The following RYR1 variants were observed in gnomAD, a reference collection of about 807,000 sequenced individuals.
RYR1 encodes ryanodine receptor 1.
Under a neutral mutation model 583.5 loss-of-function variants are expected in RYR1, and 342 were observed. The ratio of observed to expected loss-of-function variants is 0.59; its 90% CI spans 0.54 to 0.64. The LOEUF is 0.64. RYR1 is among the 30% of genes least tolerant of loss of function. RYR1 has a pLI of 0.00. For synonymous variants in RYR1, 2,791 were observed against 2,822.5 expected (o/e 0.99, Z 0.35); for missense variants, 6,032 against 6,917.2 (o/e 0.87, Z 4.54).
In RYR1 at chr19:38,580,459, C is replaced by T. The variant is rs370469515; in HGVS notation, c.14601C>T (p.Ser4867=). 65 of 1,613,992 alleles carry T rather than the reference C, an allele frequency of 4.0e-5. No individual in the cohort carries two copies. Among genetic ancestry groups the T allele is most frequent in the Non-Finnish European group, 5.2e-5 (61 of 1,180,024 alleles). ...FNFFRKFYNK[S]EDEDEPDMKC... is the part of the protein sequence containing the mutation. ...TCTTCCGCAAGTTCTACAACAAGAG[C>T]GAGGATGAGGATGAACCTGACATGA... is the stretch of plus-strand genomic sequence containing the variant. Residue 4867 remains serine, a synonymous_variant, in exon 101 of 106, where the codon AGC becomes AGT. Coordinates refer to ENST00000359596, the MANE Select transcript of RYR1 (RefSeq NM_000540.3).
intron 34 of RYR1, 122 bp from the exon 35 acceptor site, chr19:38,489,055 T>C (rs1969429603): frequency 3.4e-6 from 3 of 881,870 alleles, no homozygotes; most frequent in Non-Finnish European, 5.6e-6. Flanking sequence ...GTGGGAGGAA[T>C]CGGATCAGCC....
intron 89 of RYR1, among the ~76,000 whole-genome samples, chr19:38,552,531 G>A (rs779781610): frequency 7.2e-5 from 11 of 152,124 alleles, no homozygotes; most frequent in Non-Finnish European, 1.0e-4. Context: ...GATTACAGGC[G>A]TGAGCCACCG....
chr19:38,502,372 T>A lies in RYR1; in HGVS notation c.7615-135T>A, dbSNP rs1600830509. 9.2e-6 allele frequency: 7 copies of A among 762,892 alleles called. No homozygotes were observed. In the South Asian group the frequency reaches 9.3e-5, roughly 10 times the overall value. The allele number at this position is 762,892 out of a possible 1,614,324, so 47.3% of individuals were successfully genotyped here. A position where few individuals can be genotyped will look rare whatever the true frequency, so the allele number is the denominator to read the frequency against. ...GTGTGGGCATAGGGTGGGAGGAGGG[T>A]GGTAGAGATTGGGAGGAGCAGGTTT... On this transcript the variant is annotated intron_variant, in intron 47 of 105. Transcript: ENST00000359596.
At position 38,525,417 on chromosome 19, in the gene RYR1, TGAA is replaced by T. The variant is rs756212662; in HGVS notation, c.10547_10549del (p.Lys3516del). On this transcript the variant is annotated inframe_deletion, in exon 71 of 106. Transcript: ENST00000359596. Reference sequence around the variant, plus strand: ...CAGACGTCACTGATCGTGGCCACACTGAAGAAGATGCTGCCCATCGGCCTGAAT... The same window carrying T: ...CAGACGTCACTGATCGTGGCCACACTGAAGATGCTGCCCATCGGCCTGAAT... 1.2e-6 allele frequency: 2 copies of T among 1,613,716 alleles called. No homozygotes were observed. Among genetic ancestry groups the T allele is most frequent in the Non-Finnish European group, 1.7e-6 (2 of 1,179,930 alleles).
intron 31 of RYR1, among the ~76,000 whole-genome samples, chr19:38,479,088 G>C (rs1968888842): frequency 6.6e-6 from 1 of 152,158 alleles, no homozygotes; most frequent in Admixed American, 6.5e-5. Flanking sequence ...CTTGACCTTG[G>C]AAAGAGGTTT....
chr19:38,578,335 C>A, intron 99 of RYR1, 131 bp downstream of exon 99: 1 of 824,210 alleles, frequency 1.2e-6, no homozygotes, highest in Non-Finnish European at 2.0e-6. Flanking sequence ...AGGGTATCTT[C>A]TTATCCACAC....
intron 73 of RYR1, chr19:38,528,001 C>A: frequency 4.8e-6 from 3 of 622,586 alleles, no homozygotes; most frequent in Non-Finnish European, 8.4e-6. Flanking sequence ...AGGGGCAGAT[C>A]TTTAGGTCTA....
intron 50 of RYR1, 77 bp from the exon 51 acceptor site, chr19:38,504,671 A>C (rs370910472): frequency 5.1e-6 from 8 of 1,573,158 alleles, no homozygotes; most frequent in East Asian, 2.2e-5. Context: ...TGATGATTGC[A>C]GTGTGTGAGT....
intron 57 of RYR1, among the ~76,000 whole-genome samples, chr19:38,507,356 G>A (rs1467968288): frequency 7.7e-6 from 1 of 129,288 alleles, no homozygotes; most frequent in Admixed American, 7.7e-5. Flanking sequence ...AGGGGCGGGG[G>A]CTGGGGAGCA....
At position 38,548,279 on chromosome 19, in the gene RYR1, C is replaced by A; in HGVS notation, c.12141C>A (p.Leu4047=). The A allele has an allele frequency of 1.9e-6, 3 of 1,614,176 alleles. No homozygotes were observed. Among genetic ancestry groups the A allele is most frequent in the Non-Finnish European group, 2.5e-6 (3 of 1,180,036 alleles). The change falls in exon 89 of 106, where the codon CTC becomes CTA. Residue 4047 remains leucine (L), a synonymous_variant. Transcript: ENST00000359596. Reference sequence around the variant, plus strand: ...TCGCCCGGCAGATGGTGGACATGCTCGTGGAATCCTCATCCAATGTGGAGA... The same window carrying A: ...TCGCCCGGCAGATGGTGGACATGCTAGTGGAATCCTCATCCAATGTGGAGA... ...GMIARQMVDM[L]VESSSNVEMI...
At chr19:38,575,780 G>A (rs1973929828) in intron 96 of RYR1, 139 bp from the exon 97 acceptor site, 1 of 887,786 alleles carries the variant, frequency 1.1e-6, no homozygotes, top group Admixed American at 2.0e-5. Context: ...TCCAGCCTGG[G>A]CAACAGAGTG....
At position 38,543,472 on chromosome 19, in the gene RYR1, G is replaced by A. The variant is rs772555546; in HGVS notation, c.11778+37G>A. On this transcript the variant is annotated intron_variant, in intron 85 of 105. Transcript: ENST00000359596. This position sits in a 1 kb window ranked among gnomAD's most constrained non-coding sequence, Gnocchi z 4.4. ...AGACGGTTCAGGTGTGACTTGGGTCGGGGGCTGCAGGGCCATGGTCGGCCC... is the reference window on the plus strand; with the variant it reads ...AGACGGTTCAGGTGTGACTTGGGTCAGGGGCTGCAGGGCCATGGTCGGCCC... 2.0e-5 allele frequency: 33 copies of A among 1,614,144 alleles called. No homozygotes were observed. The Middle Eastern group carries it at 6.6e-4, about 32-fold the overall frequency.
At chr19:38,550,145 G>C (rs1022346477) in intron 89 of RYR1, among the ~76,000 whole-genome samples, 1 of 152,032 alleles carries the variant, frequency 6.6e-6, no homozygotes, top group African/African-American at 2.4e-5. Flanking sequence ...ATGCTAATCA[G>C]GAAATTAACA....
intron 59 of RYR1, 33 bp from the exon 60 acceptor site, chr19:38,510,627 T>C (rs757521762): frequency 3.1e-6 from 5 of 1,612,726 alleles, no homozygotes; most frequent in Admixed American, 3.3e-5. Flanking sequence ...CCACCCCTCA[T>C]TGGACCCTTT....
intron 3 of RYR1, 53 bp downstream of exon 3, chr19:38,442,506 CA>C: frequency 7.1e-7 from 1 of 1,405,226 alleles, no homozygotes; most frequent in Non-Finnish European, 1.0e-6. Flanking sequence ...CGAGAGGACC[CA>C]GGGGTCGTTT....
Position 38,486,024 on chromosome 19 carries a change from G to A in RYR1, c.5369G>A (p.Gly1790Glu), listed in dbSNP as rs943210052. The A allele has an allele frequency of 1.2e-6, 2 of 1,613,270 alleles. No individual in the cohort carries two copies. The highest frequency in any genetic ancestry group is 4.5e-5 in the East Asian group (2 of 44,876). The change falls in exon 34 of 106, where the codon GGG (glycine) becomes GAG (glutamate). Residue 1790 changes from glycine (G) to glutamate (E), a missense_variant. By Grantham distance (98) the Gly-to-Glu change is moderately conservative. This residue lies in a region of RYR1 where 2,627 missense variants were observed against 2,961.3 expected (regional missense o/e 0.89). Transcript: ENST00000359596. ...TTCGTGGCCGCTCTGCCAGCTGCTG[G>A]GGCAGCAGAGGCCCCGGCCCGCCTC... ...PCFVAALPAA[G>E]AAEAPARLSP...
In RYR1 at chr19:38,485,655, G is replaced by C. The variant is rs138978909; in HGVS notation, c.5000G>C (p.Arg1667Pro). ...CAGCGCTTCCACTCGCACACCCTGC[G>C]CCTCTACCGCGCTGTGTGCGCCCTG... is the stretch of plus-strand genomic sequence containing the variant. ...DLQRFHSHTL[R>P]LYRAVCALGN... is the part of the protein sequence containing the mutation. Residue 1667 changes from arginine (R) to proline (P), a missense_variant, in exon 34 of 106, where the codon CGC becomes CCC. By Grantham distance (103) the Arg-to-Pro change is moderately radical. Around this residue, in one of 11 missense-constraint regions of RYR1, gnomAD observed 2,627 missense variants for 2,961.3 expected, o/e 0.89. Coordinates refer to ENST00000359596, the MANE Select transcript of RYR1 (RefSeq NM_000540.3). 1.2e-6 allele frequency: 2 copies of C among 1,610,636 alleles called. No homozygotes were observed. Among genetic ancestry groups the C allele is most frequent in the South Asian group, 2.2e-5 (2 of 91,070 alleles).
In RYR1 at chr19:38,512,294, T is replaced by C. The variant is rs1440501918; in HGVS notation, c.9283T>C (p.Phe3095Leu). ...PEIVKAGLRSFFESASEDIEK... is the reference protein window; with the variant it reads ...PEIVKAGLRSLFESASEDIEK... ...GATCGTGAAGGCTGGCCTCCGCTCC[T>C]TCTTCGAGAGTGCCTCGGAGGACAT... Residue 3095 changes from phenylalanine (F) to leucine (L), a missense_variant, in exon 63 of 106, where the codon TTC (phenylalanine) becomes CTC (leucine). This residue lies in a region of RYR1 where 1,493 missense variants were observed against 1,715.5 expected (regional missense o/e 0.87). Coordinates refer to ENST00000359596, the MANE Select transcript of RYR1 (RefSeq NM_000540.3). The surrounding 1 kb of genome is among the most constrained non-coding windows in gnomAD (Gnocchi z 5.1). 3.7e-6 allele frequency: 6 copies of C among 1,614,216 alleles called. No individual in the cohort carries two copies. The Admixed American group carries it at 8.3e-5, about 22-fold the overall frequency.
intron 23 of RYR1, 79 bp downstream of exon 23, chr19:38,464,801 G>T: frequency 7.8e-7 from 1 of 1,286,330 alleles, no homozygotes; most frequent in Non-Finnish European, 1.1e-6. Flanking sequence ...GGAGGTCGAG[G>T]GGTCTTGTGG....
Sources: gnomAD v4.1 joint callset for allele counts (sites outside exome capture counted in the v4.1 genomes callset) on GRCh38, gnomAD v4.1.1 for gene constraint, gnomAD v4.1.1 regional missense constraint, Gnocchi (gnomAD v3.1) non-coding constraint, MANE v1.5 for transcripts, NCBI Gene and HGNC (gene_info 2026-07-23, HGNC 2026-07-21) for gene names.